The following APAF1 variants were observed in gnomAD, a reference collection of about 807,000 sequenced individuals.
The protein encoded by APAF1 is apoptotic protease-activating factor 1.
APAF1 carries 91 observed loss-of-function variants against 152.4 expected under a neutral mutation model. That is an observed-to-expected ratio of 0.60 (90% CI 0.50 to 0.71). The LOEUF (loss-of-function observed/expected upper bound fraction) is 0.71, where lower values mean the gene tolerates loss of function less well. APAF1 is among the 30% of genes least tolerant of loss of function. The probability of loss-of-function intolerance (pLI) is 0.00; values close to 1 mark genes in which losing one functional copy is unlikely to be tolerated. For missense variants in APAF1, 1,283 were observed against 1,472.0 expected (o/e 0.87, Z 2.10); for synonymous variants, 484 against 494.1 (o/e 0.98, Z 0.27).
At chr12:98,648,523 C>T (rs773776704) in intron 2 of APAF1, 26 bp downstream of exon 2, 2 of 1,610,534 alleles carry the variant, frequency 1.2e-6, no homozygotes, top group South Asian at 2.2e-5. Context: ...GCAGTCCACA[C>T]TTCCTTAAAA....
Position 98,660,743 on chromosome 12 carries a change from T to C in APAF1, c.710+1400T>C, listed in dbSNP as rs113104589. The stretch of plus-strand genomic sequence containing the variant: ...AGATAAATAAAGCATTCCTTGGGAA[T>C]GTTATAGTATACTGAGTGAGAGTTA... On this transcript the variant is annotated intron_variant, in intron 5 of 26. Coordinates refer to ENST00000551964, the MANE Select transcript of APAF1 (RefSeq NM_181861.2). Among the ~76,000 whole-genome samples, 113 of 152,322 alleles carry C rather than the reference T, an allele frequency of 7.4e-4. 1 individual carries two copies. Among genetic ancestry groups the C allele is most frequent in the African/African-American group, 2.5e-3 (106 of 41,580 alleles).
rs115984314 is a variant in APAF1 at position 98,656,147 on chromosome 12, C to T, written c.527-3013C>T. 1.3e-3 allele frequency among the ~76,000 whole-genome samples: 201 copies of T among 152,060 alleles called. 1 individual carries two copies. The highest frequency in any genetic ancestry group is 4.6e-3 in the African/African-American group (191 of 41,452). On this transcript the variant is annotated intron_variant, in intron 4 of 26. Transcript: ENST00000551964. ...TTCACCATGTTGCTCAGGCTGGTCT[C>T]GAAATTCTGGGCTCAAGCAGTCTGT...
chr12:98,683,213 A>G lies in APAF1; in HGVS notation c.2117A>G (p.His706Arg). 4.3e-6 allele frequency: 7 copies of G among 1,613,852 alleles called. No individual in the cohort carries two copies. Among genetic ancestry groups the G allele is most frequent in the Non-Finnish European group, 5.1e-6 (6 of 1,179,810 alleles). ...DEHSEQVNCC[H>R]FTNSSHHLLL... Reference sequence around the variant, plus strand: ...CACTCAGAGCAAGTCAATTGCTGCCATTTCACCAACAGTAGTCATCATCTT... The same window carrying G: ...CACTCAGAGCAAGTCAATTGCTGCCGTTTCACCAACAGTAGTCATCATCTT... Residue 706 changes from histidine (H) to arginine (R), a missense_variant, in exon 15 of 27, where the codon CAT becomes CGT. By Grantham distance (29) the His-to-Arg change is conservative. Coordinates refer to ENST00000551964, the MANE Select transcript of APAF1 (RefSeq NM_181861.2).
At position 98,673,445 on chromosome 12, in the gene APAF1, A is replaced by AC. The variant is rs1271326518; in HGVS notation, c.1793+1726_1793+1727insC. Among the ~76,000 whole-genome samples, 16 of 151,658 alleles carry AC rather than the reference A, an allele frequency of 1.1e-4. No homozygotes were observed. The East Asian group carries it at 1.2e-3, about 11-fold the overall frequency. The stretch of plus-strand genomic sequence containing the variant: ...AGTGAAGCTCTGTCTCAAAAAACAA[A>AC]AAAAAAAAAAACAAAAAAAAAACCT... On this transcript the variant is annotated intron_variant, in intron 12 of 26. Transcript: ENST00000551964.
At chr12:98,689,371 C>A (rs955359505) in intron 16 of APAF1, among the ~76,000 whole-genome samples, 1 of 151,582 alleles carries the variant, frequency 6.6e-6, no homozygotes, top group African/African-American at 2.4e-5. Flanking sequence ...TTTTTGCCTT[C>A]GATTTCACTT....
chr12:98,725,276 C>A (rs2097748800), intron 24 of APAF1, 139 bp from the exon 25 acceptor site: 1 of 1,062,246 alleles, frequency 9.4e-7, no homozygotes, highest in African/African-American at 1.6e-5. Flanking sequence ...CATGCTGGAA[C>A]TTGGGCATCT....
At chr12:98,678,200 G>T (rs2097688539) in intron 13 of APAF1, among the ~76,000 whole-genome samples, 1 of 152,228 alleles carries the variant, frequency 6.6e-6, no homozygotes. Context: ...GTTCCAGAGA[G>T]AATGCATATT....
chr12:98,699,556 A>G lies in APAF1; in HGVS notation c.2453A>G (p.Lys818Arg), dbSNP rs746385368. 8.7e-6 allele frequency: 14 copies of G among 1,614,092 alleles called. No homozygotes were observed. Among genetic ancestry groups the G allele is most frequent in the Admixed American group, 6.7e-5 (4 of 60,016 alleles). Residue 818 changes from lysine (K) to arginine (R), a missense_variant, in exon 17 of 27, where the codon AAA becomes AGA. Transcript: ENST00000551964. ...ADGARIMVAAKNKIFLFDIHT... is the reference protein window; with the variant it reads ...ADGARIMVAARNKIFLFDIHT... Reference sequence around the variant, plus strand: ...GGTGCAAGGATAATGGTGGCAGCAAAAAATAAAATCTTTGTAAGTACTTTA... The same window carrying G: ...GGTGCAAGGATAATGGTGGCAGCAAGAAATAAAATCTTTGTAAGTACTTTA...
chr12:98,712,205 T>G lies in APAF1; in HGVS notation c.2842-114T>G, dbSNP rs978850179. ...TATGGCTTGTTGTTCCCCTGAGAGC[T>G]CTTGTTGGTTATTTTCTGTGTTTTA... On this transcript the variant is annotated intron_variant, in intron 20 of 26. Coordinates refer to ENST00000551964, the MANE Select transcript of APAF1 (RefSeq NM_181861.2). 7 of 721,258 alleles carry G rather than the reference T, an allele frequency of 9.7e-6. No individual in the cohort carries two copies. The African/African-American group carries it at 1.0e-4, about 11-fold the overall frequency. 44.7% of individuals were successfully genotyped at this position (721,258 alleles called of 1,614,324 possible).
Position 98,723,327 on chromosome 12 carries a change from A to T in APAF1, c.3204+15A>T, listed in dbSNP as rs750120603. ...GAACAGTGAAGGTAATTTAAAGTAT[A>T]AATTTGTTTTTTGAAAAAGTATTCT... On this transcript the variant is annotated intron_variant, in intron 23 of 26. Transcript: ENST00000551964. 6.2e-7 allele frequency: 1 copy of T among 1,612,408 alleles called. No individual in the cohort carries two copies. Among genetic ancestry groups the T allele is most frequent in the Non-Finnish European group, 8.5e-7 (1 of 1,178,870 alleles).
At chr12:98,648,592 A>G in intron 2 of APAF1, 34 bp from the exon 3 acceptor site, 1 of 1,611,096 alleles carries the variant, frequency 6.2e-7, no homozygotes, top group Non-Finnish European at 8.5e-7. Flanking sequence ...ATACATATTC[A>G]TTGTTGTATA....
chr12:98,725,756 A>G (rs2097749584), intron 25 of APAF1, among the ~76,000 whole-genome samples: 1 of 152,222 alleles, frequency 6.6e-6, no homozygotes, highest in Non-Finnish European at 1.5e-5. Context: ...TTCCCTGTAT[A>G]TGTGAGGAAG....
intron 7 of APAF1, among the ~76,000 whole-genome samples, chr12:98,665,278 A>ATATATATATATT (rs1491316422): frequency 1.8e-4 from 12 of 65,992 alleles, no homozygotes; most frequent in African/African-American, 5.1e-4. Context: ...ATATATATAT[A>ATATATATATATT]TTTTTTTTTT....
At chr12:98,725,951 T>G (rs1485221366) in intron 25 of APAF1, among the ~76,000 whole-genome samples, 1 of 152,216 alleles carries the variant, frequency 6.6e-6, no homozygotes, top group Non-Finnish European at 1.5e-5. Flanking sequence ...AAAGATCTCT[T>G]TAGCACTATA....
intron 5 of APAF1, among the ~76,000 whole-genome samples, chr12:98,660,382 G>C (rs1238271162): frequency 6.6e-6 from 1 of 151,820 alleles, no homozygotes; most frequent in Non-Finnish European, 1.5e-5. Flanking sequence ...TTTTTAATGG[G>C]GCTCTTCTGT....
rs11296996 is a variant in APAF1 at position 98,733,917 on chromosome 12, GA to G, written c.*1354del. The G allele has an allele frequency of 0.38, 57,179 of 152,000 alleles. 11,236 individuals carry two copies. Among genetic ancestry groups the G allele is most frequent in the African/African-American group, 0.5 (20,881 of 41,448 alleles). The allele number at this position is 152,000 out of a possible 1,614,324, so 9.4% of individuals were successfully genotyped here. A position where few individuals can be genotyped will look rare whatever the true frequency, so the allele number is the denominator to read the frequency against. On this transcript the variant is annotated 3_prime_UTR_variant, in exon 27 of 27. Transcript: ENST00000551964. The stretch of plus-strand genomic sequence containing the variant: ...TACATATCAGACTTCTTACTTGAAT[GA>G]AACCTGATCTTTCCTAATCCTCACT...
In APAF1 at chr12:98,725,438, G is replaced by A. The variant is rs1007281650; in HGVS notation, c.3354G>A (p.Leu1118=). 6.2e-7 allele frequency: 1 copy of A among 1,613,878 alleles called. No homozygotes were observed. The highest frequency in any genetic ancestry group is 1.3e-5 in the African/African-American group (1 of 74,870). The part of the protein sequence containing the change: ...TAKIWSFDLL[L]PLHELRGHNG... The stretch of plus-strand genomic sequence containing the variant: ...AGATCTGGAGTTTTGATCTCCTTTT[G>A]CCACTTCATGAATTGAGGGGCCACA... Residue 1118 remains leucine, a synonymous_variant, in exon 25 of 27, where the codon TTG becomes TTA. Coordinates refer to ENST00000551964, the MANE Select transcript of APAF1 (RefSeq NM_181861.2).
chr12:98,727,333 A>T lies in APAF1; in HGVS notation c.3600+17A>T, dbSNP rs375216001. The T allele has an allele frequency of 6.2e-7, 1 of 1,613,762 alleles. No individual in the cohort carries two copies. The highest frequency in any genetic ancestry group is 8.5e-7 in the Non-Finnish European group (1 of 1,179,776). Reference sequence around the variant, plus strand: ...TATATTAAGGTAAGAGTTCCCCAAGAACTGTGAAAGAAAATAATAGCCTAT... The same window carrying T: ...TATATTAAGGTAAGAGTTCCCCAAGTACTGTGAAAGAAAATAATAGCCTAT... On this transcript the variant is annotated intron_variant, in intron 26 of 26. Transcript: ENST00000551964.
At chr12:98,684,760 C>G (rs2097696235) in intron 15 of APAF1, among the ~76,000 whole-genome samples, 1 of 151,988 alleles carries the variant, frequency 6.6e-6, no homozygotes, top group Non-Finnish European at 1.5e-5. Context: ...GACTGTTATA[C>G]TATTTACGAC....
Sources: gnomAD v4.1 joint callset for allele counts (sites outside exome capture counted in the v4.1 genomes callset) on GRCh38, gnomAD v4.1.1 for gene constraint, MANE v1.5 for transcripts, NCBI Gene and HGNC (gene_info 2026-07-23, HGNC 2026-07-21) for gene names.